Variants in ABAT observed in about 807,000 individuals in gnomAD.
ABAT encodes the protein 4-aminobutyrate aminotransferase.
ABAT carries 45 observed loss-of-function variants against 64.6 expected under a neutral mutation model. The observed-to-expected ratio is 0.70, with a 90% CI of 0.55 to 0.89. The LOEUF (loss-of-function observed/expected upper bound fraction) is 0.89, where lower values mean the gene tolerates loss of function less well. Ranked by LOEUF, ABAT falls within the 40% of genes least tolerant of loss-of-function variation. The probability of loss-of-function intolerance (pLI) is 0.00; values close to 1 mark genes in which losing one functional copy is unlikely to be tolerated. For missense variants in ABAT, 633 were observed against 658.4 expected (o/e 0.96, Z 0.42); for synonymous variants, 297 against 250.5 (o/e 1.19, Z -1.75).
intron 1 of ABAT, among the ~76,000 whole-genome samples, chr16:8,724,026 A>G (rs1172289364): frequency 6.6e-6 from 1 of 151,290 alleles, no homozygotes; most frequent in African/African-American, 2.4e-5. Context: ...TTTTTAGTAG[A>G]GACAGGATTT....
intron 1 of ABAT, among the ~76,000 whole-genome samples, chr16:8,733,168 G>T (rs1342046147): frequency 6.7e-6 from 1 of 149,118 alleles, no homozygotes; most frequent in African/African-American, 2.5e-5. Context: ...GCTGCCAGGC[G>T]GAGACGCTCC....
At chr16:8,747,499 G>A (rs1266890011) in intron 3 of ABAT, among the ~76,000 whole-genome samples, 1 of 151,172 alleles carries the variant, frequency 6.6e-6, no homozygotes, top group African/African-American at 2.4e-5. Flanking sequence ...TAAAATTCTT[G>A]GAATACTTTT....
At chr16:8,687,748 C>T (rs1436904478) in intron 1 of ABAT, among the ~76,000 whole-genome samples, 2 of 152,220 alleles carry the variant, frequency 1.3e-5, no homozygotes, top group Non-Finnish European at 2.9e-5. Context: ...TGGAAAGCAG[C>T]TGTGCTGCTG....
chr16:8,687,332 G>C (rs376441067), intron 1 of ABAT, among the ~76,000 whole-genome samples: 180 of 152,158 alleles, frequency 1.2e-3, no homozygotes, highest in African/African-American at 4.2e-3. Context: ...AGACCATCCT[G>C]GTCAACACGG....
chr16:8,750,677 A>C, intron 5 of ABAT, 138 bp downstream of exon 5: 1 of 798,884 alleles, frequency 1.3e-6, no homozygotes, highest in Non-Finnish European at 2.2e-6. Context: ...GGGTAGGAAA[A>C]AAATAAATAA....
intron 2 of ABAT, among the ~76,000 whole-genome samples, chr16:8,744,148 C>T (rs945860244): frequency 6.6e-6 from 1 of 151,836 alleles, no homozygotes; most frequent in Non-Finnish European, 1.5e-5. Context: ...AGTCTGTTCC[C>T]GCAATGCTAC....
intron 8 of ABAT, chr16:8,765,912 G>C (rs546161668): frequency 2.8e-4 from 108 of 382,026 alleles, no homozygotes; most frequent in Non-Finnish European, 4.4e-4. Flanking sequence ...ATTTGAGCCC[G>C]CACATCTGGC....
chr16:8,717,438 G>A (rs1285060891), intron 1 of ABAT, among the ~76,000 whole-genome samples: 1 of 152,096 alleles, frequency 6.6e-6, no homozygotes, highest in Non-Finnish European at 1.5e-5. Context: ...TTACCTATGT[G>A]GTTTGCATTG....
chr16:8,684,004 G>C (rs1008002190), intron 1 of ABAT, among the ~76,000 whole-genome samples: 2 of 152,064 alleles, frequency 1.3e-5, no homozygotes, highest in African/African-American at 4.8e-5. Context: ...CAAAGACTCA[G>C]CTACTACACC....
chr16:8,723,922 C>T (rs1231560272), intron 1 of ABAT, among the ~76,000 whole-genome samples: 2 of 147,796 alleles, frequency 1.4e-5, no homozygotes, highest in East Asian at 2.0e-4. Flanking sequence ...CTCACTGCAA[C>T]CCCCACCTCC....
intron 8 of ABAT, among the ~76,000 whole-genome samples, chr16:8,765,362 C>T (rs1354870551): frequency 6.6e-6 from 1 of 150,428 alleles, no homozygotes; most frequent in Non-Finnish European, 1.5e-5. Flanking sequence ...GAAGAAAATG[C>T]TCCTTAAATT....
Position 8,757,771 on chromosome 16 carries a change from G to C in ABAT, c.331G>C (p.Ala111Pro), listed in dbSNP as rs150783272. ...SSVPIGYSHP[A>P]LLKLIQQPQN... is the part of the protein sequence containing the mutation. ...CCTGCCCTCAGGTTACAGCCACCCC[G>C]CCCTGCTGAAACTCATCCAACAGCC... The change falls in exon 6 of 16, where the codon GCC becomes CCC. Residue 111 changes from alanine (A) to proline (P), a missense_variant. Transcript: ENST00000268251. 1 of 1,614,054 alleles carries C rather than the reference G, an allele frequency of 6.2e-7. No individual in the cohort carries two copies. Among genetic ancestry groups the C allele is most frequent in the Non-Finnish European group, 8.5e-7 (1 of 1,179,944 alleles).
intron 1 of ABAT, among the ~76,000 whole-genome samples, chr16:8,728,888 G>C (rs922484912): frequency 1.3e-5 from 2 of 152,098 alleles, no homozygotes; most frequent in Non-Finnish European, 2.9e-5. Context: ...CAAAGAGTTT[G>C]GTTTCTCAGT....
chr16:8,711,942 T>C (rs2058087480), intron 1 of ABAT, among the ~76,000 whole-genome samples: 1 of 151,124 alleles, frequency 6.6e-6, no homozygotes, highest in South Asian at 2.1e-4. Flanking sequence ...TTGAACCATA[T>C]GAAATTACTA....
chr16:8,746,658 G>A (rs2059339187), intron 3 of ABAT, among the ~76,000 whole-genome samples: 1 of 151,806 alleles, frequency 6.6e-6, no homozygotes, highest in African/African-American at 2.4e-5. Context: ...TGGGATTACA[G>A]GCGAGATGGT....
chr16:8,764,615 C>A lies in ABAT; in HGVS notation c.448-123C>A. 1 of 966,462 alleles carries A rather than the reference C, an allele frequency of 1.0e-6. No homozygotes were observed. Among genetic ancestry groups the A allele is most frequent in the Non-Finnish European group, 1.6e-6 (1 of 611,696 alleles). 59.9% of individuals were successfully genotyped at this position (966,462 alleles called of 1,614,324 possible). A position where few individuals can be genotyped will look rare whatever the true frequency, so the allele number is the denominator to read the frequency against. ...CCCACCCTCCCAGTCCGACACCTTC[C>A]AGGACAGCCCTGGTTCTGTCTGTCC... On this transcript the variant is annotated intron_variant, in intron 7 of 15. Coordinates refer to ENST00000268251, the MANE Select transcript of ABAT (RefSeq NM_020686.6). This position sits in a 1 kb window ranked among gnomAD's most constrained non-coding sequence, Gnocchi z 4.2.
Position 8,699,959 on chromosome 16 carries a change from G to A in ABAT, c.-42+25248G>A, listed in dbSNP as rs145973718. 1.4e-3 allele frequency among the ~76,000 whole-genome samples: 212 copies of A among 151,858 alleles called. 1 individual carries two copies. Among genetic ancestry groups the A allele is most frequent in the African/African-American group, 4.8e-3 (198 of 41,244 alleles). On this transcript the variant is annotated intron_variant, in intron 1 of 15. Transcript: ENST00000268251. Reference sequence around the variant, plus strand: ...CTTCCAAGTAGCTGTGACTATAGGCGTGTGCCACCTGGCTAATTTTTGTAT... The same window carrying A: ...CTTCCAAGTAGCTGTGACTATAGGCATGTGCCACCTGGCTAATTTTTGTAT...
intron 1 of ABAT, among the ~76,000 whole-genome samples, chr16:8,680,429 T>C (rs2057305147): frequency 6.6e-6 from 1 of 152,170 alleles, no homozygotes; most frequent in Non-Finnish European, 1.5e-5. Context: ...TATTTTTATG[T>C]ATTTTTTTGG....
chr16:8,773,105 TACACACACACAC>T (rs35248639), intron 12 of ABAT, among the ~76,000 whole-genome samples, 188 bp downstream of exon 12: 20 of 108,964 alleles, frequency 1.8e-4, no homozygotes, highest in Admixed American at 6.2e-4. Context: ...CCTAAAACTA[TACACACACACAC>T]ACACACACAC....
Sources: gnomAD v4.1 joint callset for allele counts (sites outside exome capture counted in the v4.1 genomes callset) on GRCh38, gnomAD v4.1.1 for gene constraint, Gnocchi (gnomAD v3.1) non-coding constraint, MANE v1.5 for transcripts, NCBI Gene and HGNC (gene_info 2026-07-23, HGNC 2026-07-21) for gene names.